The following CNTNAP2 variants were observed in gnomAD, a reference collection of about 807,000 sequenced individuals.
The protein encoded by CNTNAP2 is contactin-associated protein-like 2.
CNTNAP2 carries 98 observed loss-of-function variants against 155.2 expected under a neutral mutation model. The ratio of observed to expected loss-of-function variants is 0.63; its 90% CI spans 0.54 to 0.75. The LOEUF is 0.75. Among genes scored for constraint, CNTNAP2 ranks in the 30% least tolerant of loss-of-function variants. The probability of loss-of-function intolerance (pLI) is 0.00; values close to 1 mark genes in which losing one functional copy is unlikely to be tolerated. For synonymous variants in CNTNAP2, 651 were observed against 631.2 expected, an observed-to-expected ratio of 1.03 and a Z score of -0.47; for missense variants, 1,727 against 1,688.1, an observed-to-expected ratio of 1.02 and a Z score of -0.40.
intron 1 of CNTNAP2, among the ~76,000 whole-genome samples, chr7:146,343,035 A>AT (rs1249357238): frequency 1.3e-5 from 2 of 149,334 alleles, no homozygotes; most frequent in Non-Finnish European, 3.0e-5. Flanking sequence ...ATGCCTTTCC[A>AT]TTTTTTCTGT....
intron 10 of CNTNAP2, among the ~76,000 whole-genome samples, chr7:147,469,506 A>ATTTTTTTT (rs71527812): frequency 0.017 from 1,338 of 79,038 alleles, 271 homozygotes; most frequent in African/African-American, 0.036. Context: ...TCAGGCTGCA[A>ATTTTTTTT]TTTTTTTTTT....
intron 12 of CNTNAP2, among the ~76,000 whole-genome samples, chr7:147,575,982 AG>A (rs1800390156): frequency 1.3e-5 from 2 of 152,246 alleles, no homozygotes; most frequent in African/African-American, 2.4e-5. Context: ...CAAAGAATAT[AG>A]ATTTGGATGA....
chr7:148,219,456 G>T (rs1795703657), intron 19 of CNTNAP2, among the ~76,000 whole-genome samples: 1 of 152,172 alleles, frequency 6.6e-6, no homozygotes, highest in African/African-American at 2.4e-5. Context: ...CACTATGGAA[G>T]GCTGAGGCAG....
intron 1 of CNTNAP2, among the ~76,000 whole-genome samples, chr7:146,234,220 T>C (rs1169501850): frequency 6.6e-6 from 1 of 152,156 alleles, no homozygotes; most frequent in Non-Finnish European, 1.5e-5. Flanking sequence ...TGGCCAGTGA[T>C]GGTGAGCATT....
At chr7:147,364,876 T>C in intron 9 of CNTNAP2, among the ~76,000 whole-genome samples, 1 of 151,538 alleles carries the variant, frequency 6.6e-6, no homozygotes, top group Non-Finnish European at 1.5e-5. Context: ...TTCCTAGCCA[T>C]GTTAAAAATT....
intron 3 of CNTNAP2, among the ~76,000 whole-genome samples, chr7:146,843,229 G>A (rs1288759894): frequency 2.8e-5 from 4 of 140,534 alleles, no homozygotes; most frequent in Non-Finnish European, 4.5e-5. Context: ...AGCCAGGATG[G>A]TCTCGATCTC....
chr7:146,720,057 A>G (rs1294039238), intron 1 of CNTNAP2, among the ~76,000 whole-genome samples: 6 of 152,122 alleles, frequency 3.9e-5, no homozygotes, highest in African/African-American at 1.4e-4. Context: ...CTCAGTTTTC[A>G]CCACTAATTT....
At chr7:148,142,276 C>T (rs1805090727) in intron 16 of CNTNAP2, among the ~76,000 whole-genome samples, 1 of 152,056 alleles carries the variant, frequency 6.6e-6, no homozygotes, top group Non-Finnish European at 1.5e-5. Context: ...CTTCTTTCTC[C>T]TTATCTCTCT....
At chr7:148,000,890 C>G (rs1801884172) in intron 15 of CNTNAP2, among the ~76,000 whole-genome samples, 1 of 152,200 alleles carries the variant, frequency 6.6e-6, no homozygotes, top group Non-Finnish European at 1.5e-5. Context: ...GGCCACATCC[C>G]TCTGAAGGAT....
chr7:147,702,660 A>T (rs560074615), intron 13 of CNTNAP2, among the ~76,000 whole-genome samples: 1 of 151,972 alleles, frequency 6.6e-6, no homozygotes, highest in Non-Finnish European at 1.5e-5. Flanking sequence ...AGGCTTGCAG[A>T]TGGAGTGTTA....
chr7:147,818,613 G>T (rs1424718176), intron 13 of CNTNAP2, among the ~76,000 whole-genome samples: 1 of 152,164 alleles, frequency 6.6e-6, no homozygotes, highest in African/African-American at 2.4e-5. Context: ...CACTGTCAAT[G>T]AGAGACGTTT....
chr7:147,728,169 C>T (rs1796675688), intron 13 of CNTNAP2, among the ~76,000 whole-genome samples: 1 of 25,656 alleles, frequency 3.9e-5, no homozygotes, highest in Admixed American at 2.7e-4. Context: ...TGTATACACA[C>T]ACAATGTGTG....
intron 1 of CNTNAP2, among the ~76,000 whole-genome samples, chr7:146,450,193 A>G (rs544723945): frequency 4.6e-5 from 7 of 152,360 alleles, no homozygotes; most frequent in East Asian, 3.9e-4. Context: ...ACTTTGAGCT[A>G]TCTTAAAGCC....
chr7:147,947,130 G>T (rs1297975405), intron 14 of CNTNAP2, among the ~76,000 whole-genome samples: 1 of 152,124 alleles, frequency 6.6e-6, no homozygotes, highest in Non-Finnish European at 1.5e-5. Flanking sequence ...ATCTTATTAT[G>T]CAGATAAAGC....
chr7:147,772,899 G>A (rs1797497348), intron 13 of CNTNAP2, among the ~76,000 whole-genome samples: 1 of 152,074 alleles, frequency 6.6e-6, no homozygotes, highest in East Asian at 1.9e-4. Context: ...ACTTGATTCA[G>A]CCACCTCATC....
At chr7:146,934,465 G>T (rs1301826870) in intron 3 of CNTNAP2, among the ~76,000 whole-genome samples, 1 of 141,152 alleles carries the variant, frequency 7.1e-6, no homozygotes, top group African/African-American at 2.6e-5. Context: ...GGGGAAGGGG[G>T]GAGGGAGAGC....
intron 3 of CNTNAP2, among the ~76,000 whole-genome samples, chr7:147,026,222 A>G (rs1374068592): frequency 1.3e-5 from 2 of 152,202 alleles, no homozygotes; most frequent in Non-Finnish European, 2.9e-5. Context: ...TATAAAATTG[A>G]AGATAGGATC....
intron 14 of CNTNAP2, among the ~76,000 whole-genome samples, chr7:147,941,841 A>G (rs1219791154): frequency 6.6e-6 from 1 of 152,150 alleles, no homozygotes; most frequent in Non-Finnish European, 1.5e-5. Context: ...TCCTGGGTGA[A>G]TACAGTTTTA....
Position 147,002,944 on chromosome 7 carries a change from C to CAA in CNTNAP2, c.403-40941_403-40940dup, listed in dbSNP as rs773401142. On this transcript the variant is annotated intron_variant, in intron 3 of 23. Coordinates refer to ENST00000361727, the MANE Select transcript of CNTNAP2 (RefSeq NM_014141.6). Reference sequence around the variant, plus strand: ...CAGAACATAGCAAGGATGTTCCTTCCAAAAAAAAAAAAAAAAAAAAAAAGA... The same window carrying CAA: ...CAGAACATAGCAAGGATGTTCCTTCCAAAAAAAAAAAAAAAAAAAAAAAAAGA... Among the ~76,000 whole-genome samples, 483 of 52,552 alleles carry CAA rather than the reference C, an allele frequency of 9.2e-3. 2 individuals are homozygous for CAA. The highest frequency in any genetic ancestry group is 0.015 in the African/African-American group (222 of 14,612). The allele number at this position is 52,552 out of a possible 152,430, so 34.5% of individuals were successfully genotyped here. A position where few individuals can be genotyped will look rare whatever the true frequency, so the allele number is the denominator to read the frequency against.
Sources: gnomAD v4.1 joint callset for allele counts (sites outside exome capture counted in the v4.1 genomes callset) on GRCh38, gnomAD v4.1.1 for gene constraint, MANE v1.5 for transcripts, NCBI Gene and HGNC (gene_info 2026-07-23, HGNC 2026-07-21) for gene names.